Variants in SYNE1 observed in about 807,000 individuals in gnomAD.
The protein encoded by SYNE1 is nesprin-1.
In SYNE1, 616 loss-of-function variants were observed where a neutral mutation model predicts 1,111.0. The ratio of observed to expected loss-of-function variants is 0.55; its 90% CI spans 0.52 to 0.59. The LOEUF (loss-of-function observed/expected upper bound fraction) is 0.59. SYNE1 is among the 20% of genes least tolerant of loss of function. The probability of loss-of-function intolerance (pLI) is 0.00; values close to 1 mark genes in which losing one functional copy is unlikely to be tolerated. For synonymous variants in SYNE1, 3,855 were observed against 3,825.8 expected (o/e 1.01, Z -0.28); for missense variants, 10,006 against 10,417.0 (o/e 0.96, Z 1.72).
At chr6:152,333,285 G>A (rs1023495113) in intron 77 of SYNE1, among the ~76,000 whole-genome samples, 5 of 152,148 alleles carry the variant, frequency 3.3e-5, no homozygotes, top group Non-Finnish European at 7.4e-5. Flanking sequence ...TGAATTTCTA[G>A]ACTCTTGTAA....
intron 60 of SYNE1, 115 bp downstream of exon 60, chr6:152,369,356 C>G: frequency 6.6e-7 from 1 of 1,510,522 alleles, no homozygotes; most frequent in South Asian, 1.2e-5. Flanking sequence ...GAAAAACACA[C>G]TATGTCTCAC....
chr6:152,131,763 C>A (rs1332924040), intron 144 of SYNE1, among the ~76,000 whole-genome samples: 2 of 152,274 alleles, frequency 1.3e-5, no homozygotes, highest in East Asian at 3.9e-4. Context: ...AGGCGCCCCG[C>A]AAGTGGAGGC....
At chr6:152,404,489 C>T (rs1014908834) in intron 45 of SYNE1, among the ~76,000 whole-genome samples, 175 bp from the exon 46 acceptor site, 15 of 151,974 alleles carry the variant, frequency 9.9e-5, no homozygotes, top group Admixed American at 6.6e-5. Flanking sequence ...GAAAATGTTA[C>T]AATTAATGTT....
rs1191165629 is a variant in SYNE1 at position 152,376,818 on chromosome 6, G to C, written c.9104C>G (p.Thr3035Ser). The C allele has an allele frequency of 6.2e-7, 1 of 1,613,972 alleles. No homozygotes were observed. The highest frequency in any genetic ancestry group is 1.7e-5 in the Admixed American group (1 of 60,004). The change falls in exon 57 of 146, where the codon ACC becomes AGC. Residue 3035 changes from threonine (T) to serine (S), a missense_variant. Transcript: ENST00000367255. ...ELCRFSRDLSTYSGKVSGLIK... is the reference protein window; with the variant it reads ...ELCRFSRDLSSYSGKVSGLIK... ...CAAGCCAGAAACTTTTCCACTGTAG[G>C]TACTCAGGTCTCTGGAAAATCGACA...
chr6:152,454,432 A>G (rs2154255369), intron 24 of SYNE1, among the ~76,000 whole-genome samples: 1 of 152,332 alleles, frequency 6.6e-6, no homozygotes, highest in South Asian at 2.1e-4. Context: ...GTGAGGGCAC[A>G]GGGAAAAGGT....
At chr6:152,475,119 C>T (rs562257643) in intron 14 of SYNE1, among the ~76,000 whole-genome samples, 2 of 152,186 alleles carry the variant, frequency 1.3e-5, no homozygotes, top group Non-Finnish European at 2.9e-5. Flanking sequence ...TCATTAAGAA[C>T]ATGGATAGGT....
Position 152,259,944 on chromosome 6 carries a change from C to A in SYNE1, c.18972+2088G>T, listed in dbSNP as rs594522. On this transcript the variant is annotated intron_variant, in intron 101 of 145. Coordinates refer to ENST00000367255, the MANE Select transcript of SYNE1 (RefSeq NM_182961.4). ...GGCACAACATGAACCTAAATTTGAA[C>A]AGTCCAGGTATTGTGGAATGTCAGT... Among the ~76,000 whole-genome samples the A allele has an allele frequency of 5.7e-3, 865 of 152,242 alleles. 10 individuals are homozygous for A. Among genetic ancestry groups the A allele is most frequent in the South Asian group, 0.03 (144 of 4,814 alleles).
At chr6:152,332,428 T>C (rs1427948078) in intron 77 of SYNE1, among the ~76,000 whole-genome samples, 1 of 152,266 alleles carries the variant, frequency 6.6e-6, no homozygotes, top group Non-Finnish European at 1.5e-5. Flanking sequence ...TGCCTACTTC[T>C]TTCTGGCTGA....
intron 34 of SYNE1, among the ~76,000 whole-genome samples, chr6:152,431,125 T>C (rs12661143): frequency 0.15 from 22,788 of 152,218 alleles, 1,875 homozygotes; most frequent in East Asian, 0.37. Flanking sequence ...CTTATTTTTC[T>C]AAAATTCAGT....
intron 33 of SYNE1, chr6:152,435,578 C>T (rs1204437909): frequency 3.9e-6 from 1 of 255,260 alleles, no homozygotes; most frequent in Non-Finnish European, 7.4e-6. Flanking sequence ...AAAATATCTC[C>T]TTTTCGCTCT....
chr6:152,493,073 C>T (rs1193014216), intron 11 of SYNE1, among the ~76,000 whole-genome samples: 1 of 152,122 alleles, frequency 6.6e-6, no homozygotes, highest in Non-Finnish European at 1.5e-5. Flanking sequence ...TTCATGTCTT[C>T]CTCTTGTATC....
chr6:152,136,840 A>G (rs185261216), intron 140 of SYNE1, 22 bp from the exon 141 acceptor site: 213 of 1,609,886 alleles, frequency 1.3e-4, no homozygotes, highest in Non-Finnish European at 1.7e-4. Context: ...AAAAAAGACA[A>G]TCAAACAAGG....
chr6:152,166,378 T>C (rs1169911571), intron 130 of SYNE1, among the ~76,000 whole-genome samples: 4 of 152,350 alleles, frequency 2.6e-5, no homozygotes, highest in Non-Finnish European at 5.9e-5. Context: ...CATTTTAAAA[T>C]TTTTATTTGA....
chr6:152,437,773 C>A, intron 32 of SYNE1, among the ~76,000 whole-genome samples: 1 of 152,122 alleles, frequency 6.6e-6, no homozygotes, highest in East Asian at 1.9e-4. Context: ...GATCAACTCC[C>A]TTCTCCTAAA....
At position 152,144,954 on chromosome 6, in the gene SYNE1, C is replaced by T. The variant is rs117912748; in HGVS notation, c.24977-1189G>A. 177 of 166,496 alleles carry T rather than the reference C, an allele frequency of 1.1e-3. 3 individuals carry two copies. In the East Asian group the frequency reaches 0.025, roughly 24 times the overall value. The allele number at this position is 166,496 out of a possible 1,614,324, so 10.3% of individuals were successfully genotyped here. A position where few individuals can be genotyped will look rare whatever the true frequency, so the allele number is the denominator to read the frequency against. The stretch of plus-strand genomic sequence containing the variant: ...ATTTTTCATTTCAAATTATCTTTTA[C>T]GACCTCTTAAATTAAAATTACATAT... On this transcript the variant is annotated intron_variant, in intron 137 of 145. Coordinates refer to ENST00000367255, the MANE Select transcript of SYNE1 (RefSeq NM_182961.4).
At chr6:152,225,118 TTTATAGATGAGGAAACTGAGAC>T (rs1181375005) in intron 116 of SYNE1, among the ~76,000 whole-genome samples, 3 of 151,796 alleles carry the variant, frequency 2.0e-5, no homozygotes, top group Non-Finnish European at 4.4e-5. Flanking sequence ...TTATCCCCAT[TTTATAGATGAGGAAACTGAGAC>T]ACTAAGAGGT....
intron 105 of SYNE1, among the ~76,000 whole-genome samples, chr6:152,246,530 AG>A (rs1382223816): frequency 6.6e-6 from 1 of 152,232 alleles, no homozygotes. Context: ...TTTCTCAAAA[AG>A]CGGAGCAAAA....
At chr6:152,227,792 C>G (rs2081934010) in intron 115 of SYNE1, among the ~76,000 whole-genome samples, 2 of 151,986 alleles carry the variant, frequency 1.3e-5, no homozygotes, top group African/African-American at 4.8e-5. Flanking sequence ...AAATGCCCTG[C>G]ACACGTATGT....
intron 27 of SYNE1, among the ~76,000 whole-genome samples, chr6:152,450,084 G>T (rs2098635058): frequency 6.6e-6 from 1 of 152,184 alleles, no homozygotes; most frequent in South Asian, 2.1e-4. Context: ...AGAGGGACCT[G>T]GGGGGAGGTA....
Sources: allele counts gnomAD v4.1 joint callset (sites outside exome capture counted in the v4.1 genomes callset), GRCh38; gene constraint gnomAD v4.1.1; transcripts MANE v1.5; gene names NCBI Gene and HGNC (gene_info 2026-07-23, HGNC 2026-07-21).